CCDC158: variants seen among roughly 807,000 people sequenced by gnomAD.
The protein encoded by CCDC158 is coiled-coil domain-containing protein 158.
In CCDC158, 116 loss-of-function variants were observed where a neutral mutation model predicts 138.6. That is an observed-to-expected ratio of 0.84 (90% CI 0.72 to 0.98). The LOEUF (loss-of-function observed/expected upper bound fraction) is 0.98, where lower values mean the gene tolerates loss of function less well. Ranked by LOEUF, CCDC158 falls within the 50% of genes least tolerant of loss-of-function variation. The pLI is 0.00. For missense variants in CCDC158, 1,265 were observed against 1,306.1 expected, an observed-to-expected ratio of 0.97 and a Z score of 0.48; for synonymous variants, 436 against 442.4, an observed-to-expected ratio of 0.99 and a Z score of 0.18.
intron 20 of CCDC158, among the ~76,000 whole-genome samples, chr4:76,331,923 T>C (rs1721047169): frequency 6.6e-6 from 1 of 152,188 alleles, no homozygotes; most frequent in African/African-American, 2.4e-5. Context: ...TTGGCTAAAG[T>C]CAATTTTTGA....
At position 76,351,103 on chromosome 4, in the gene CCDC158, AT is replaced by A. The variant is rs1174888929; in HGVS notation, c.2556del (p.Tyr853ThrfsTer7). 6.2e-7 allele frequency: 1 copy of A among 1,613,404 alleles called. No homozygotes were observed. Among genetic ancestry groups the A allele is most frequent in the Non-Finnish European group, 8.5e-7 (1 of 1,179,670 alleles). On this transcript the variant is annotated frameshift_variant, in exon 18 of 25. Transcript: ENST00000682701. LOFTEE classifies it high-confidence loss of function. ...TLDIKELQGP[G>X]YTSNSSLKPR... is the part of the protein sequence containing the mutation. ...GGTTTCAATGAAGAATTTGAGGTGT[AT>A]CCAGGGCCCTGAAGTTCCTGGAAAA... is the stretch of plus-strand genomic sequence containing the variant.
At chr4:76,317,593 C>G (rs1007996098) in intron 24 of CCDC158, among the ~76,000 whole-genome samples, 20 of 151,864 alleles carry the variant, frequency 1.3e-4, no homozygotes, top group African/African-American at 4.8e-4. Context: ...AAGTCAACAA[C>G]AACAACAAAA....
intron 4 of CCDC158, among the ~76,000 whole-genome samples, chr4:76,395,050 G>A (rs551228009): frequency 6.6e-6 from 1 of 152,186 alleles, no homozygotes; most frequent in Non-Finnish European, 1.5e-5. Context: ...ACCTACACAA[G>A]AAGGGAAATT....
At chr4:76,368,245 G>A (rs1319524426) in intron 11 of CCDC158, among the ~76,000 whole-genome samples, 1 of 152,144 alleles carries the variant, frequency 6.6e-6, no homozygotes, top group African/African-American at 2.4e-5. Flanking sequence ...GCAATGGGGG[G>A]AAGGGTGGCG....
intron 1 of CCDC158, among the ~76,000 whole-genome samples, chr4:76,416,340 C>G (rs1729695618): frequency 6.6e-6 from 1 of 152,120 alleles, no homozygotes; most frequent in African/African-American, 2.4e-5. Context: ...TGTAGTGGTC[C>G]CCCAGGCCCA....
chr4:76,400,974 G>T (rs1164604504), intron 3 of CCDC158, among the ~76,000 whole-genome samples: 1 of 152,136 alleles, frequency 6.6e-6, no homozygotes, highest in African/African-American at 2.4e-5. Flanking sequence ...ACCTAAAGCA[G>T]TTGTTCCCAA....
chr4:76,341,798 G>A (rs1722073844), intron 18 of CCDC158, among the ~76,000 whole-genome samples: 1 of 152,054 alleles, frequency 6.6e-6, no homozygotes, highest in African/African-American at 2.4e-5. Flanking sequence ...TTACTTTTCT[G>A]GTTTTCCTAC....
intron 1 of CCDC158, among the ~76,000 whole-genome samples, chr4:76,418,045 G>A (rs917745227): frequency 6.6e-6 from 1 of 152,164 alleles, no homozygotes; most frequent in African/African-American, 2.4e-5. Flanking sequence ...TAAAGCTCAT[G>A]GGGCCTTGAA....
chr4:76,386,993 A>G (rs1261689034), intron 4 of CCDC158, among the ~76,000 whole-genome samples: 2 of 152,162 alleles, frequency 1.3e-5, no homozygotes, highest in South Asian at 2.1e-4. Context: ...AAGGCAGCCT[A>G]GGACACAAGG....
At chr4:76,414,013 A>AT in intron 1 of CCDC158, among the ~76,000 whole-genome samples, 1 of 151,896 alleles carries the variant, frequency 6.6e-6, no homozygotes, top group East Asian at 1.9e-4. Flanking sequence ...GGCTCAAGTG[A>AT]TCCTTCCACC....
intron 18 of CCDC158, chr4:76,345,109 TCCACACTGCAG>T (rs1722415978): frequency 8.5e-7 from 1 of 1,180,190 alleles, no homozygotes; most frequent in Non-Finnish European, 1.3e-6. Context: ...GATGTCTATA[TCCACACTGCAG>T]CCTGCTTACA....
In CCDC158 at chr4:76,367,564, T is replaced by TA. The variant is rs756442148; in HGVS notation, c.1559_1560insT (p.Leu522AlafsTer18). The stretch of plus-strand genomic sequence containing the variant: ...TCAAGTCCACCCGGGAGCGGAGCTT[T>TA]GTGATCTCTGCATTGGTAGCCTCGA... On this transcript the variant is annotated frameshift_variant, in exon 12 of 25. Coordinates refer to ENST00000682701, the MANE Select transcript of CCDC158 (RefSeq NM_001394954.1). LOFTEE classifies it high-confidence loss of function. The TA allele has an allele frequency of 6.2e-7, 1 of 1,614,232 alleles. No homozygotes were observed. Among genetic ancestry groups the TA allele is most frequent in the South Asian group, 1.1e-5 (1 of 91,086 alleles).
rs750132432 is a variant in CCDC158 at position 76,367,282 on chromosome 4, A to G, written c.1830+12T>C. On this transcript the variant is annotated intron_variant, in intron 12 of 24. Coordinates refer to ENST00000682701, the MANE Select transcript of CCDC158 (RefSeq NM_001394954.1). Reference sequence around the variant, plus strand: ...TATTTCAGAAGTTAAATCACAAAAAAACTCTACAGACCTTAAGTTCCTTTA... The same window carrying G: ...TATTTCAGAAGTTAAATCACAAAAAGACTCTACAGACCTTAAGTTCCTTTA... 2.5e-6 allele frequency: 4 copies of G among 1,596,940 alleles called. No homozygotes were observed. In the African/African-American group the frequency reaches 5.4e-5, roughly 22 times the overall value.
chr4:76,335,871 T>C (rs1721435912), intron 18 of CCDC158, among the ~76,000 whole-genome samples: 1 of 151,140 alleles, frequency 6.6e-6, no homozygotes, highest in East Asian at 2.0e-4. Context: ...CTGTGCTGGC[T>C]GACATGAGGT....
intron 13 of CCDC158, among the ~76,000 whole-genome samples, chr4:76,361,833 T>C (rs1724177369): frequency 6.6e-6 from 1 of 152,178 alleles, no homozygotes; most frequent in Non-Finnish European, 1.5e-5. Context: ...TGAACACCTG[T>C]TTTCCTTTTG....
At chr4:76,338,530 T>C (rs1721757940) in intron 18 of CCDC158, among the ~76,000 whole-genome samples, 1 of 151,732 alleles carries the variant, frequency 6.6e-6, no homozygotes. Flanking sequence ...AAAAACAAAA[T>C]GAAAAACATT....
intron 18 of CCDC158, chr4:76,345,047 G>C: frequency 7.3e-7 from 1 of 1,363,986 alleles, no homozygotes. Context: ...TAGGATCAAC[G>C]ATTCTTGTGT....
chr4:76,323,960 G>A (rs1207096445), intron 23 of CCDC158, among the ~76,000 whole-genome samples: 1 of 152,134 alleles, frequency 6.6e-6, no homozygotes, highest in East Asian at 1.9e-4. Flanking sequence ...GAAGGCCTAG[G>A]AGCATGTAAG....
intron 18 of CCDC158, among the ~76,000 whole-genome samples, chr4:76,340,914 T>C (rs1721987357): frequency 6.6e-6 from 1 of 152,186 alleles, no homozygotes; most frequent in South Asian, 2.1e-4. Flanking sequence ...AACTGCTGCC[T>C]TAGGAGACAC....
Sources: gnomAD v4.1 joint callset for allele counts (sites outside exome capture counted in the v4.1 genomes callset) on GRCh38, gnomAD v4.1.1 for gene constraint, MANE v1.5 for transcripts, NCBI Gene and HGNC (gene_info 2026-07-23, HGNC 2026-07-21) for gene names.